DNAH11: variants seen among roughly 807,000 people sequenced by gnomAD.
DNAH11 encodes dynein axonemal heavy chain 11, also known as axonemal beta dynein heavy chain 11.
Under a neutral mutation model 526.0 loss-of-function variants are expected in DNAH11, and 442 were observed. That is an observed-to-expected ratio of 0.84 (90% CI 0.78 to 0.91). DNAH11 has a LOEUF of 0.91. DNAH11 is among the 40% of genes least tolerant of loss of function. The pLI, the probability that DNAH11 is intolerant of heterozygous loss-of-function variation, is 0.00. For synonymous variants in DNAH11, 2,461 were observed against 1,935.9 expected, an observed-to-expected ratio of 1.27 and a Z score of -7.12; for missense variants, 6,989 against 5,448.7, an observed-to-expected ratio of 1.28 and a Z score of -8.90.
intron 9 of DNAH11, among the ~76,000 whole-genome samples, chr7:21,584,076 G>T (rs1048878092): frequency 1.3e-5 from 2 of 152,138 alleles, no homozygotes; most frequent in Non-Finnish European, 2.9e-5. Context: ...TACCATTACT[G>T]GGTATATACC....
intron 40 of DNAH11, among the ~76,000 whole-genome samples, chr7:21,710,089 T>C (rs1784405528): frequency 6.6e-6 from 1 of 152,192 alleles, no homozygotes; most frequent in Non-Finnish European, 1.5e-5. Context: ...CTGTAAGAGA[T>C]GTATGGTGCT....
chr7:21,559,730 C>T lies in DNAH11; in HGVS notation c.820C>T (p.Pro274Ser), dbSNP rs1443828697. The T allele has an allele frequency of 1.9e-6, 3 of 1,609,044 alleles. No homozygotes were observed. Among genetic ancestry groups the T allele is most frequent in the Admixed American group, 3.4e-5 (2 of 59,406 alleles). Residue 274 changes from proline to serine, a missense_variant, in exon 4 of 82, where the codon CCT becomes TCT. Physicochemically the swap from Pro to Ser is moderately conservative, Grantham distance 74 (BLOSUM62 -1). Coordinates refer to ENST00000409508, the MANE Select transcript of DNAH11 (RefSeq NM_001277115.2). Reference protein sequence around the residue: ...QRLLNGLHLSPQAELDFWMMR... With the variant: ...QRLLNGLHLSSQAELDFWMMR... ...TTTGTTGAATGGTCTTCACTTGTCT[C>T]CTCAAGCAGAACTAGATTTCTGGAT...
chr7:21,670,487 C>T (rs1782601613), intron 30 of DNAH11, among the ~76,000 whole-genome samples: 1 of 152,092 alleles, frequency 6.6e-6, no homozygotes, highest in South Asian at 2.1e-4. Context: ...TAAGTAATGA[C>T]AGTTTTCTTC....
intron 74 of DNAH11, among the ~76,000 whole-genome samples, chr7:21,877,298 C>G (rs1783751126): frequency 6.6e-6 from 1 of 152,194 alleles, no homozygotes; most frequent in Non-Finnish European, 1.5e-5. Flanking sequence ...CAGCCTTGAA[C>G]TCCTGGGCTC....
chr7:21,873,613 A>T, intron 74 of DNAH11, 112 bp downstream of exon 74: 1 of 1,006,248 alleles, frequency 9.9e-7, no homozygotes, highest in Admixed American at 2.3e-5. Flanking sequence ...CAAGTTCTTA[A>T]TGTTCGCATG....
chr7:21,805,463 G>C (rs1402337145), intron 62 of DNAH11, among the ~76,000 whole-genome samples: 4 of 152,056 alleles, frequency 2.6e-5, no homozygotes. Context: ...GGAGCCTCCT[G>C]TATTAAAATT....
rs545097865 is a variant in DNAH11 at position 21,637,221 on chromosome 7, T to C, written c.4726-390T>C. 5.6e-4 allele frequency among the ~76,000 whole-genome samples: 85 copies of C among 151,988 alleles called. 1 individual carries two copies. The highest frequency in any genetic ancestry group is 2.0e-3 in the African/African-American group (81 of 41,460). On this transcript the variant is annotated intron_variant, in intron 26 of 81. Transcript: ENST00000409508. The stretch of plus-strand genomic sequence containing the variant: ...CTCTCCCTTCCTCTCTTTCTCCCTT[T>C]CTCTCTCCTTCTCCTCCCCCTCTGC...
intron 65 of DNAH11, among the ~76,000 whole-genome samples, chr7:21,826,152 C>T (rs1031867081): frequency 2.0e-5 from 3 of 151,868 alleles, no homozygotes; most frequent in African/African-American, 4.9e-5. Flanking sequence ...CGCTTGTACC[C>T]CATAAATCTA....
chr7:21,623,994 A>AT, intron 25 of DNAH11, among the ~76,000 whole-genome samples: 1 of 151,574 alleles, frequency 6.6e-6, no homozygotes, highest in East Asian at 1.9e-4. Flanking sequence ...AAAATAAAAA[A>AT]TAAAAAAAAA....
At chr7:21,840,494 T>C (rs1249373691) in intron 65 of DNAH11, among the ~76,000 whole-genome samples, 3 of 152,222 alleles carry the variant, frequency 2.0e-5, no homozygotes, top group African/African-American at 7.2e-5. Context: ...GACTGTTTGC[T>C]GCAGCCATGC....
At chr7:21,776,917 T>C (rs1787693493) in intron 56 of DNAH11, among the ~76,000 whole-genome samples, 1 of 147,006 alleles carries the variant, frequency 6.8e-6, no homozygotes, top group Non-Finnish European at 1.5e-5. Flanking sequence ...CTTATTCAGA[T>C]TTCCAGTTTT....
chr7:21,900,864 G>A, intron 81 of DNAH11, 143 bp from the exon 82 acceptor site: 14 of 1,375,016 alleles, frequency 1.0e-5, no homozygotes, highest in Non-Finnish European at 1.4e-5. Flanking sequence ...GCTCAGTCCG[G>A]CCAGCTCAGT....
intron 61 of DNAH11, among the ~76,000 whole-genome samples, chr7:21,796,537 A>G (rs1788720745): frequency 6.6e-6 from 1 of 152,228 alleles, no homozygotes. Context: ...GATATCTGAA[A>G]GAGCAAGAAA....
At chr7:21,668,473 T>C (rs1782509524) in intron 30 of DNAH11, among the ~76,000 whole-genome samples, 1 of 152,194 alleles carries the variant, frequency 6.6e-6, no homozygotes, top group Non-Finnish European at 1.5e-5. Context: ...TGAAAGTTTG[T>C]ACTCAGTGCT....
intron 14 of DNAH11, among the ~76,000 whole-genome samples, chr7:21,593,928 C>A (rs1784778571): frequency 6.6e-6 from 1 of 151,826 alleles, no homozygotes. Context: ...CTAACACACA[C>A]ACACTCTCTT....
At chr7:21,725,391 A>G (rs1441635627) in intron 44 of DNAH11, among the ~76,000 whole-genome samples, 2 of 152,250 alleles carry the variant, frequency 1.3e-5, no homozygotes, top group South Asian at 2.1e-4. Flanking sequence ...CCATAATTTT[A>G]TAAGGGAAAA....
intron 2 of DNAH11, among the ~76,000 whole-genome samples, chr7:21,557,725 CT>C (rs546679227): frequency 2.7e-4 from 41 of 152,320 alleles, no homozygotes; most frequent in African/African-American, 8.4e-4. Flanking sequence ...CAAGTAACAA[CT>C]TTTCTGGCAA....
rs1277295729 is a variant in DNAH11 at position 21,619,094 on chromosome 7, A to C, written c.4255-6A>C. ...TATAAAGTCTAACTTTTTTTCCCCC[A>C]ATCAGGTCAAGTTTTTAATAAATGA... On this transcript the variant is annotated splice_region_variant and splice_polypyrimidine_tract_variant and intron_variant, in intron 23 of 81. Transcript: ENST00000409508. 6.2e-7 allele frequency: 1 copy of C among 1,613,028 alleles called. No individual in the cohort carries two copies. The highest frequency in any genetic ancestry group is 8.5e-7 in the Non-Finnish European group (1 of 1,179,486).
At chr7:21,867,752 A>G in intron 71 of DNAH11, 107 bp from the exon 72 acceptor site, 2 of 994,392 alleles carry the variant, frequency 2.0e-6, no homozygotes, top group African/African-American at 3.2e-5. Context: ...CATGTAATAA[A>G]CCTGGTTACT....
Sources: gnomAD v4.1 joint callset for allele counts (sites outside exome capture counted in the v4.1 genomes callset) on GRCh38, gnomAD v4.1.1 for gene constraint, MANE v1.5 for transcripts, NCBI Gene and HGNC (gene_info 2026-07-23, HGNC 2026-07-21) for gene names.